MTR: variants seen among roughly 807,000 people sequenced by gnomAD.
MTR encodes the protein 5-methyltetrahydrofolate-homocysteine methyltransferase.
In MTR, 84 loss-of-function variants were observed where a neutral mutation model predicts 154.8. The ratio of observed to expected loss-of-function variants is 0.54; its 90% CI spans 0.45 to 0.65. The LOEUF (loss-of-function observed/expected upper bound fraction) is 0.65. Among genes scored for constraint, MTR ranks in the 30% least tolerant of loss-of-function variants. The pLI, the probability that MTR is intolerant of heterozygous loss-of-function variation, is 0.00. For missense variants in MTR, 1,275 were observed against 1,570.2 expected, an observed-to-expected ratio of 0.81 and a Z score of 3.18; for synonymous variants, 554 against 553.9, an observed-to-expected ratio of 1.00 and a Z score of 0.00.
At chr1:236,886,470 C>T (rs1332506503) in intron 27 of MTR, 103 bp downstream of exon 27, 4 of 1,006,534 alleles carry the variant, frequency 4.0e-6, no homozygotes, top group African/African-American at 1.6e-5. Flanking sequence ...CAGCAGCTAA[C>T]GACTCTCAAC....
intron 15 of MTR, among the ~76,000 whole-genome samples, chr1:236,839,895 T>C (rs1421348208): frequency 1.3e-5 from 2 of 152,154 alleles, no homozygotes; most frequent in Non-Finnish European, 2.9e-5. Context: ...TTCAGTATAT[T>C]GAAAAATGAA....
intron 11 of MTR, 29 bp from the exon 12 acceptor site, chr1:236,829,160 T>C: frequency 6.5e-7 from 1 of 1,531,598 alleles, no homozygotes; most frequent in Non-Finnish European, 9.1e-7. Context: ...TCTGAATTAA[T>C]GGATACAATG....
intron 18 of MTR, among the ~76,000 whole-genome samples, chr1:236,854,607 A>G (rs1286170530): frequency 6.6e-6 from 1 of 152,176 alleles, no homozygotes; most frequent in East Asian, 1.9e-4. Flanking sequence ...CATAGCCTCT[A>G]TTGCCATGAA....
intron 25 of MTR, 27 bp downstream of exon 25, chr1:236,880,863 C>G: frequency 6.3e-7 from 1 of 1,589,950 alleles, no homozygotes. Context: ...ACATTTTATT[C>G]CAGATGTGTT....
At chr1:236,825,054 G>A (rs1446543197) in intron 9 of MTR, among the ~76,000 whole-genome samples, 2 of 151,920 alleles carry the variant, frequency 1.3e-5, no homozygotes, top group South Asian at 2.1e-4. Flanking sequence ...ATGGGAAGGG[G>A]TGGGGTTGGG....
At chr1:236,862,150 TA>T in intron 20 of MTR, 85 bp from the exon 21 acceptor site, 1 of 1,085,824 alleles carries the variant, frequency 9.2e-7, no homozygotes, top group Non-Finnish European at 1.4e-6. Flanking sequence ...CATGCATTCC[TA>T]ATGTGTGCCC....
intron 32 of MTR, among the ~76,000 whole-genome samples, 192 bp downstream of exon 32, chr1:236,897,310 G>GCGCGCACGCACGCACACA: frequency 7.8e-6 from 1 of 128,614 alleles, no homozygotes; most frequent in Non-Finnish European, 1.7e-5. Context: ...CCACACACAC[G>GCGCGCACGCACGCACACA]CACACACACA....
At chr1:236,810,473 G>T (rs1288220990) in intron 4 of MTR, 30 bp from the exon 5 acceptor site, 1 of 1,575,226 alleles carries the variant, frequency 6.3e-7, no homozygotes, top group Non-Finnish European at 8.7e-7. Flanking sequence ...GCCACTTAGA[G>T]ATCTCACACT....
In MTR at chr1:236,891,238, A is replaced by G. The variant is rs773655262; in HGVS notation, c.3113A>G (p.Gln1038Arg). The change falls in exon 29 of 33, where the codon CAG (glutamine) becomes CGG (arginine). Residue 1038 changes from glutamine to arginine, a missense_variant. Physicochemically the swap from Gln to Arg is conservative, Grantham distance 43. Transcript: ENST00000366577. ...GGTGTGGTTGGGTTCTGGCCAGCAC[A>G]GAGTATCCAAGACGACATTCACCTG... ...ARGVVGFWPA[Q>R]SIQDDIHLYA... 1.2e-6 allele frequency: 2 copies of G among 1,614,160 alleles called. No homozygotes were observed. The highest frequency in any genetic ancestry group is 1.1e-5 in the South Asian group (1 of 91,074).
At chr1:236,875,294 G>C (rs1665367702) in intron 24 of MTR, among the ~76,000 whole-genome samples, 1 of 152,192 alleles carries the variant, frequency 6.6e-6, no homozygotes, top group Non-Finnish European at 1.5e-5. Context: ...TAGTAGTTTG[G>C]AGACAGAAAG....
chr1:236,893,966 G>A (rs1666476483), intron 29 of MTR, among the ~76,000 whole-genome samples: 2 of 152,004 alleles, frequency 1.3e-5, no homozygotes, highest in South Asian at 2.1e-4. Flanking sequence ...TTTGAACATG[G>A]TGCTGGACTT....
At chr1:236,894,725 A>T in intron 30 of MTR, 168 bp downstream of exon 30, 1 of 663,368 alleles carries the variant, frequency 1.5e-6, no homozygotes, top group Non-Finnish European at 2.5e-6. Context: ...AATATTATGT[A>T]TCCCCAGATT....
intron 15 of MTR, among the ~76,000 whole-genome samples, chr1:236,843,785 T>C (rs1190464579): frequency 6.6e-6 from 1 of 152,138 alleles, no homozygotes; most frequent in Non-Finnish European, 1.5e-5. Flanking sequence ...TCTGTTGGCT[T>C]GGGCAATTGA....
chr1:236,809,354 C>T (rs1479856823), intron 4 of MTR, among the ~76,000 whole-genome samples: 2 of 152,152 alleles, frequency 1.3e-5, no homozygotes, highest in Non-Finnish European at 2.9e-5. Context: ...GGCTGGATGC[C>T]ATCAGAACAC....
chr1:236,862,945 CCTT>C (rs1455034249), intron 21 of MTR, among the ~76,000 whole-genome samples: 1 of 152,088 alleles, frequency 6.6e-6, no homozygotes, highest in Non-Finnish European at 1.5e-5. Context: ...TTATAAAAAT[CCTT>C]CTTGTTTTGC....
At chr1:236,884,542 C>T (rs1665914037) in intron 25 of MTR, among the ~76,000 whole-genome samples, 1 of 152,088 alleles carries the variant, frequency 6.6e-6, no homozygotes, top group African/African-American at 2.4e-5. Context: ...CAGGAGAGAC[C>T]AGGTACAGGC....
At chr1:236,848,928 C>T (rs186369171) in intron 15 of MTR, among the ~76,000 whole-genome samples, 19 of 152,160 alleles carry the variant, frequency 1.2e-4, no homozygotes, top group African/African-American at 4.1e-4. Context: ...GACCTATGTC[C>T]GTGTCCCTAC....
chr1:236,882,617 T>A (rs1217916886), intron 25 of MTR, among the ~76,000 whole-genome samples: 1 of 152,154 alleles, frequency 6.6e-6, no homozygotes, highest in Non-Finnish European at 1.5e-5. Flanking sequence ...GGTCTTGAAC[T>A]CCTGACCTCA....
At position 236,863,486 on chromosome 1, in the gene MTR, T is replaced by C. The variant is rs1187811538; in HGVS notation, c.2337T>C (p.Thr779=). ...DPYQGTIVLA[T]VKGDVHDIGK... is the part of the protein sequence containing the mutation. ...ACCAGGGCACCATCGTGCTGGCCAC[T>C]GTTAAAGGCGACGTGCACGACATAG... Residue 779 remains threonine (T), a synonymous_variant, in exon 22 of 33, where the codon ACT becomes ACC. Transcript: ENST00000366577. 1.2e-6 allele frequency: 2 copies of C among 1,614,022 alleles called. No homozygotes were observed. Among genetic ancestry groups the C allele is most frequent in the Non-Finnish European group, 1.7e-6 (2 of 1,179,976 alleles).
Sources: gnomAD v4.1 joint callset for allele counts (sites outside exome capture counted in the v4.1 genomes callset) on GRCh38, gnomAD v4.1.1 for gene constraint, MANE v1.5 for transcripts, NCBI Gene and HGNC (gene_info 2026-07-23, HGNC 2026-07-21) for gene names.